CRYBG1: variants seen among roughly 807,000 people sequenced by gnomAD.
CRYBG1 encodes crystallin beta-gamma domain containing 1, also known as beta/gamma crystallin domain-containing protein 1.
Under a neutral mutation model 189.2 loss-of-function variants are expected in CRYBG1, and 139 were observed. That is an observed-to-expected ratio of 0.73 (90% CI 0.64 to 0.85). The LOEUF (loss-of-function observed/expected upper bound fraction) is 0.85, where lower values mean the gene tolerates loss of function less well. Among genes scored for constraint, CRYBG1 ranks in the 40% least tolerant of loss-of-function variants. CRYBG1 has a pLI of 0.00. For missense variants in CRYBG1, 2,611 were observed against 2,675.8 expected, an observed-to-expected ratio of 0.98 and a Z score of 0.53; for synonymous variants, 1,023 against 1,017.1, an observed-to-expected ratio of 1.01 and a Z score of -0.11.
intron 20 of CRYBG1, among the ~76,000 whole-genome samples, chr6:106,562,571 G>A (rs983516265): frequency 6.6e-6 from 1 of 151,530 alleles, no homozygotes. Flanking sequence ...ACTTCAACCT[G>A]TACCTCCCGG....
At chr6:106,482,862 T>A (rs571219587) in intron 2 of CRYBG1, among the ~76,000 whole-genome samples, 1 of 152,346 alleles carries the variant, frequency 6.6e-6, no homozygotes, top group South Asian at 2.1e-4. Flanking sequence ...TAAATTTTTT[T>A]AATTGACATC....
At chr6:106,533,673 G>C (rs1357621990) in intron 8 of CRYBG1, among the ~76,000 whole-genome samples, 1 of 152,152 alleles carries the variant, frequency 6.6e-6, no homozygotes, top group Non-Finnish European at 1.5e-5. Flanking sequence ...GGGGTATGAG[G>C]GGCCAAGACA....
At chr6:106,491,548 C>T (rs908280557) in intron 2 of CRYBG1, among the ~76,000 whole-genome samples, 2 of 152,176 alleles carry the variant, frequency 1.3e-5, no homozygotes, top group East Asian at 1.9e-4. Flanking sequence ...TCCGACGGAG[C>T]TCTCCAGTGC....
intron 1 of CRYBG1, among the ~76,000 whole-genome samples, chr6:106,407,611 AACCACATAATTGGAAGT>A (rs1197214863): frequency 2.0e-5 from 3 of 152,156 alleles, no homozygotes; most frequent in Non-Finnish European, 2.9e-5. Context: ...TTCTAAAACT[AACCACATAATTGGAAGT>A]AAAACACTCC....
At chr6:106,543,179 A>C (rs1394681249) in intron 10 of CRYBG1, among the ~76,000 whole-genome samples, 1 of 151,758 alleles carries the variant, frequency 6.6e-6, no homozygotes, top group African/African-American at 2.4e-5. Context: ...ACAGGTGTGC[A>C]TCACTATGCC....
chr6:106,512,562 C>T lies in CRYBG1; in HGVS notation c.1445C>T (p.Ala482Val). The change falls in exon 3 of 22, where the codon GCG (alanine) becomes GTG (valine). Residue 482 changes from alanine (A) to valine (V), a missense_variant. Coordinates refer to ENST00000633556, the MANE Select transcript of CRYBG1 (RefSeq NM_001371242.2). ...CTCGACGGGGGCGTTGCCTCCGCTG[C>T]GAGCCCAGAGTCCAAGCCCAGCCCC... is the stretch of plus-strand genomic sequence containing the variant. ...AALDGGVASA[A>V]SPESKPSPGT... The T allele has an allele frequency of 6.2e-7, 1 of 1,606,920 alleles. No homozygotes were observed. The highest frequency in any genetic ancestry group is 8.5e-7 in the Non-Finnish European group (1 of 1,177,096).
intron 2 of CRYBG1, among the ~76,000 whole-genome samples, chr6:106,486,027 A>T (rs992277122): frequency 2.6e-5 from 4 of 152,030 alleles, no homozygotes; most frequent in Non-Finnish European, 4.4e-5. Flanking sequence ...CTGTTCTTCT[A>T]GTTCACTGGG....
At chr6:106,470,519 C>T (rs1185520329) in intron 2 of CRYBG1, among the ~76,000 whole-genome samples, 1 of 152,004 alleles carries the variant, frequency 6.6e-6, no homozygotes, top group Non-Finnish European at 1.5e-5. Context: ...TTGCAGTGAG[C>T]CAATATTGCA....
intron 11 of CRYBG1, among the ~76,000 whole-genome samples, chr6:106,544,014 T>G (rs963245137): frequency 7.2e-5 from 11 of 152,210 alleles, no homozygotes; most frequent in Non-Finnish European, 2.9e-5. Flanking sequence ...ATCGCACCAT[T>G]GCACTCCAGC....
chr6:106,401,169 T>C (rs1474058798), intron 1 of CRYBG1, among the ~76,000 whole-genome samples: 5 of 152,184 alleles, frequency 3.3e-5, no homozygotes, highest in Non-Finnish European at 5.9e-5. Context: ...ATTATGAAGA[T>C]CCTCTTACCC....
chr6:106,494,615 C>A (rs1772801996), intron 2 of CRYBG1, among the ~76,000 whole-genome samples: 1 of 152,068 alleles, frequency 6.6e-6, no homozygotes, highest in Admixed American at 6.6e-5. Context: ...AACTTGCTAT[C>A]AAGTACTGAA....
At chr6:106,545,447 T>C (rs980856231) in intron 13 of CRYBG1, among the ~76,000 whole-genome samples, 1 of 152,236 alleles carries the variant, frequency 6.6e-6, no homozygotes, top group Non-Finnish European at 1.5e-5. Flanking sequence ...TTCTTTGGGA[T>C]GAAGTGACTG....
At position 106,361,071 on chromosome 6, in the gene CRYBG1, G is replaced by A. The variant is rs114134433; in HGVS notation, c.163G>A (p.Gly55Arg). 6.8e-3 allele frequency: 10,378 copies of A among 1,534,882 alleles called. 585 individuals are homozygous for A. In the African/African-American group the frequency reaches 0.12, roughly 18 times the overall value. Reference sequence around the variant, plus strand: ...TCCGCACCCGCTCCCGGCGCCTGCCGGAGAGGCCAGGTGAGCTCCTCGCCC... The same window carrying A: ...TCCGCACCCGCTCCCGGCGCCTGCCAGAGAGGCCAGGTGAGCTCCTCGCCC... Reference protein sequence around the residue: ...FVPHPLPAPAGEARALDVVDG... With the variant: ...FVPHPLPAPAREARALDVVDG... The change falls in exon 1 of 22, where the codon GGA becomes AGA. Residue 55 changes from glycine to arginine, a missense_variant. Around this residue, in one of 3 missense-constraint regions of CRYBG1, gnomAD observed 985 missense variants for 924.4 expected, o/e 1.07. Coordinates refer to ENST00000633556, the MANE Select transcript of CRYBG1 (RefSeq NM_001371242.2).
rs111277726 is a variant in CRYBG1 at position 106,517,705 on chromosome 6, A to G, written c.1923-1426A>G. Among the ~76,000 whole-genome samples the G allele has an allele frequency of 4.9e-3, 743 of 152,150 alleles. 7 individuals are homozygous for G. The highest frequency in any genetic ancestry group is 0.017 in the African/African-American group (721 of 41,444). Reference sequence around the variant, plus strand: ...CTTCAACCATAAGTTGGGGGAAATAAAAACAACTCTGTTCTAAACCATCTC... The same window carrying G: ...CTTCAACCATAAGTTGGGGGAAATAGAAACAACTCTGTTCTAAACCATCTC... On this transcript the variant is annotated intron_variant, in intron 3 of 21. Transcript: ENST00000633556.
chr6:106,394,703 T>C (rs900035115), intron 1 of CRYBG1, among the ~76,000 whole-genome samples: 12 of 152,226 alleles, frequency 7.9e-5, no homozygotes, highest in Non-Finnish European at 2.9e-5. Context: ...AAATGAACCA[T>C]GTAATTTCTG....
At chr6:106,421,172 A>G (rs889476428) in intron 1 of CRYBG1, among the ~76,000 whole-genome samples, 1 of 152,150 alleles carries the variant, frequency 6.6e-6, no homozygotes, top group African/African-American at 2.4e-5. Flanking sequence ...AGATGAGATG[A>G]TTGTTACTAT....
chr6:106,506,446 C>CTTTTTTTT (rs67154803), intron 2 of CRYBG1, among the ~76,000 whole-genome samples: 26 of 69,948 alleles, frequency 3.7e-4, no homozygotes, highest in East Asian at 4.3e-4. Context: ...TTTCTTGTCA[C>CTTTTTTTT]TTTTTTTTTT....
chr6:106,424,568 T>C (rs960496109), intron 1 of CRYBG1, among the ~76,000 whole-genome samples: 7 of 152,100 alleles, frequency 4.6e-5, no homozygotes, highest in South Asian at 2.1e-4. Flanking sequence ...TTCAACTGAT[T>C]ATCCTGCCTC....
At chr6:106,438,730 A>G (rs1333254453) in intron 1 of CRYBG1, among the ~76,000 whole-genome samples, 1 of 152,218 alleles carries the variant, frequency 6.6e-6, no homozygotes, top group African/African-American at 2.4e-5. Flanking sequence ...CAGATAAACT[A>G]TTGATAGGAA....
Sources: gnomAD v4.1 joint callset for allele counts (sites outside exome capture counted in the v4.1 genomes callset) on GRCh38, gnomAD v4.1.1 for gene constraint, gnomAD v4.1.1 regional missense constraint, MANE v1.5 for transcripts, NCBI Gene and HGNC (gene_info 2026-07-23, HGNC 2026-07-21) for gene names.